Variants in SYT9 observed in about 807,000 individuals in gnomAD.
SYT9 encodes the protein synaptotagmin-9.
In SYT9, 22 loss-of-function variants were observed where a neutral mutation model predicts 48.4. That is an observed-to-expected ratio of 0.45 (90% CI 0.32 to 0.65). SYT9 has a LOEUF of 0.65. Among genes scored for constraint, SYT9 ranks in the 30% least tolerant of loss-of-function variants. SYT9 has a pLI of 0.03. For missense variants in SYT9, 577 were observed against 622.0 expected (o/e 0.93, Z 0.77); for synonymous variants, 265 against 245.0 (o/e 1.08, Z -0.76).
rs376543525 is a variant in SYT9 at position 7,303,349 on chromosome 11, C to T, written c.456C>T (p.Val152=). Residue 152 remains valine (V), a synonymous_variant, in exon 2 of 7, where the codon GTC becomes GTT. Transcript: ENST00000318881. The part of the protein sequence containing the change: ...TGIQENCAHG[V]RVQRQVTEPT... ...TCCAGGAGAACTGTGCCCATGGCGT[C>T]CGCGTGCAGCGCCAAGTCACAGAGC... The T allele has an allele frequency of 8.1e-5, 131 of 1,612,528 alleles. No homozygotes were observed. The highest frequency in any genetic ancestry group is 1.0e-4 in the Non-Finnish European group (123 of 1,179,936).
chr11:7,351,732 G>C (rs1252262360), intron 3 of SYT9, among the ~76,000 whole-genome samples: 1 of 152,268 alleles, frequency 6.6e-6, no homozygotes, highest in Non-Finnish European at 1.5e-5. Context: ...TCCTCAAATT[G>C]TGAGTTTACT....
chr11:7,390,976 C>T (rs1423115465), intron 3 of SYT9, among the ~76,000 whole-genome samples: 1 of 152,138 alleles, frequency 6.6e-6, no homozygotes, highest in Non-Finnish European at 1.5e-5. Context: ...TTGCACCCCT[C>T]CCTTCCTCCC....
chr11:7,414,798 A>G (rs1329113721), intron 3 of SYT9, among the ~76,000 whole-genome samples: 1 of 152,188 alleles, frequency 6.6e-6, no homozygotes, highest in Non-Finnish European at 1.5e-5. Context: ...GACCTTCCAG[A>G]GCCGAATCTG....
intron 3 of SYT9, among the ~76,000 whole-genome samples, chr11:7,409,987 T>A (rs189286807): frequency 6.6e-6 from 1 of 152,316 alleles, no homozygotes; most frequent in East Asian, 1.9e-4. Context: ...ATTTATTGCC[T>A]ATGTCAAACT....
intron 1 of SYT9, among the ~76,000 whole-genome samples, chr11:7,240,963 C>T (rs1455967334): frequency 6.6e-6 from 1 of 152,122 alleles, no homozygotes; most frequent in East Asian, 1.9e-4. Flanking sequence ...CAAAATAAGA[C>T]CTCACCTTGG....
At chr11:7,288,498 G>T (rs1310612900) in intron 1 of SYT9, among the ~76,000 whole-genome samples, 1 of 152,122 alleles carries the variant, frequency 6.6e-6, no homozygotes, top group Non-Finnish European at 1.5e-5. Flanking sequence ...GGATATCTAG[G>T]CCTACTGGAT....
intron 3 of SYT9, among the ~76,000 whole-genome samples, chr11:7,348,335 A>G (rs752646045): frequency 6.6e-6 from 1 of 152,174 alleles, no homozygotes; most frequent in East Asian, 1.9e-4. Flanking sequence ...GGCCATCAGC[A>G]TGGCTTCACT....
At chr11:7,363,208 T>C (rs1850179035) in intron 3 of SYT9, among the ~76,000 whole-genome samples, 1 of 152,152 alleles carries the variant, frequency 6.6e-6, no homozygotes, top group Non-Finnish European at 1.5e-5. Context: ...CTCTTGCTGC[T>C]ACTACAGAAT....
intron 1 of SYT9, among the ~76,000 whole-genome samples, chr11:7,260,933 T>G (rs986111783): frequency 2.0e-5 from 3 of 152,190 alleles, no homozygotes; most frequent in Non-Finnish European, 2.9e-5. Flanking sequence ...AAGCAGTGTG[T>G]TCAGCTGCAT....
At chr11:7,342,657 G>A (rs1391731166) in intron 3 of SYT9, among the ~76,000 whole-genome samples, 4 of 152,208 alleles carry the variant, frequency 2.6e-5, no homozygotes, top group Non-Finnish European at 4.4e-5. Context: ...CACAGTGCAA[G>A]CTGTAGGTGG....
intron 6 of SYT9, among the ~76,000 whole-genome samples, chr11:7,453,315 A>G (rs1267650846): frequency 6.6e-6 from 1 of 152,134 alleles, no homozygotes; most frequent in Non-Finnish European, 1.5e-5. Context: ...AAGATACTCC[A>G]AAGTGTTTCT....
At chr11:7,423,630 A>T (rs543598304) in intron 6 of SYT9, among the ~76,000 whole-genome samples, 2 of 152,324 alleles carry the variant, frequency 1.3e-5, no homozygotes, top group South Asian at 4.1e-4. Flanking sequence ...AGTTGTTATT[A>T]TGTATGCCCC....
At chr11:7,249,234 A>T (rs1847830274), upstream of SYT9, among the ~76,000 whole-genome samples, 2 of 152,144 alleles carry the variant, frequency 1.3e-5, no homozygotes, top group African/African-American at 2.4e-5. Flanking sequence ...CTTTCTCCAC[A>T]TTGTTTCTCA....
chr11:7,345,480 G>T (rs1295085797), intron 3 of SYT9, among the ~76,000 whole-genome samples: 1 of 152,184 alleles, frequency 6.6e-6, no homozygotes, highest in Non-Finnish European at 1.5e-5. Context: ...GATTTTATGT[G>T]AGAATTGAAG....
intron 1 of SYT9, among the ~76,000 whole-genome samples, chr11:7,273,815 C>A (rs1848338445): frequency 6.6e-6 from 1 of 152,100 alleles, no homozygotes; most frequent in Non-Finnish European, 1.5e-5. Context: ...AAACCAAACA[C>A]TGCATGTTCT....
Position 7,303,379 on chromosome 11 carries a change from C to A in SYT9, c.486C>A (p.Thr162=). The A allele has an allele frequency of 6.2e-7, 1 of 1,607,346 alleles. No homozygotes were observed. The highest frequency in any genetic ancestry group is 8.5e-7 in the Non-Finnish European group (1 of 1,177,784). Residue 162 remains threonine, a synonymous_variant, in exon 2 of 7, where the codon ACC becomes ACA. Coordinates refer to ENST00000318881, the MANE Select transcript of SYT9 (RefSeq NM_175733.4). ...TGCAGCGCCAAGTCACAGAGCCAAC[C>A]TCGTCGGCCCGGTCAGTAATGCCTT... ...VRVQRQVTEP[T]SSARHNSIRR... is the part of the protein sequence containing the mutation.
chr11:7,411,814 T>C (rs1333136471), intron 3 of SYT9, among the ~76,000 whole-genome samples: 1 of 152,206 alleles, frequency 6.6e-6, no homozygotes, highest in Non-Finnish European at 1.5e-5. Context: ...CCTTTCATTC[T>C]CTCTTTGCCC....
chr11:7,259,981 A>G (rs1848047183), intron 1 of SYT9, among the ~76,000 whole-genome samples: 1 of 152,036 alleles, frequency 6.6e-6, no homozygotes, highest in African/African-American at 2.4e-5. Flanking sequence ...TATAATTTGA[A>G]TCTCTTTTTC....
At chr11:7,238,798 C>G (rs1847711280) in exon 1 of SYT9, 2 of 454,748 alleles carry the variant, frequency 4.4e-6, no homozygotes, top group Non-Finnish European at 8.8e-6. Context: ...GCTTTGTCAA[C>G]ATGATCCTCC....
Sources: gnomAD v4.1 joint callset for allele counts (sites outside exome capture counted in the v4.1 genomes callset) on GRCh38, gnomAD v4.1.1 for gene constraint, MANE v1.5 for transcripts, NCBI Gene and HGNC (gene_info 2026-07-23, HGNC 2026-07-21) for gene names.